The following CLTCL1 variants were observed in gnomAD, a reference collection of about 807,000 sequenced individuals.
CLTCL1 encodes clathrin heavy chain like 1.
CLTCL1 carries 159 observed loss-of-function variants against 190.0 expected under a neutral mutation model. That is an observed-to-expected ratio of 0.84 (90% CI 0.74 to 0.95). The LOEUF (loss-of-function observed/expected upper bound fraction) is 0.95. Ranked by LOEUF, CLTCL1 falls within the 40% of genes least tolerant of loss-of-function variation. The pLI, the probability that CLTCL1 is intolerant of heterozygous loss-of-function variation, is 0.00. For missense variants in CLTCL1, 1,878 were observed against 2,033.4 expected (o/e 0.92, Z 1.47); for synonymous variants, 752 against 769.6 (o/e 0.98, Z 0.38).
At chr22:19,251,303 T>C (rs2086583049) in intron 3 of CLTCL1, among the ~76,000 whole-genome samples, 1 of 152,224 alleles carries the variant, frequency 6.6e-6, no homozygotes, top group African/African-American at 2.4e-5. Context: ...ACACAATTGA[T>C]GTTTGCAAAC....
Position 19,223,791 on chromosome 22 carries a change from G to A in CLTCL1, c.2292+100C>T, listed in dbSNP as rs1250111881. On this transcript the variant is annotated intron_variant, in intron 14 of 32. Transcript: ENST00000427926. ...CCTGGGACTAAGGGGTCCCTGGCGA[G>A]ACAGATCCAGCTTCCTGCCCCTGGG... The A allele has an allele frequency of 4.9e-6, 7 of 1,431,994 alleles. No individual in the cohort carries two copies. In the African/African-American group the frequency reaches 9.8e-5, roughly 20 times the overall value. 88.7% of individuals were successfully genotyped at this position (1,431,994 alleles called of 1,614,324 possible). A position where few individuals can be genotyped will look rare whatever the true frequency, so the allele number is the denominator to read the frequency against.
intron 4 of CLTCL1, among the ~76,000 whole-genome samples, 184 bp downstream of exon 4, chr22:19,242,591 C>T (rs144587566): frequency 2.6e-5 from 4 of 152,184 alleles, no homozygotes; most frequent in Non-Finnish European, 5.9e-5. Context: ...CCGCGCCCAG[C>T]CTGAGGATTT....
chr22:19,210,025 G>A (rs946043515), intron 20 of CLTCL1, among the ~76,000 whole-genome samples: 3 of 152,066 alleles, frequency 2.0e-5, no homozygotes, highest in Non-Finnish European at 4.4e-5. Flanking sequence ...AAAATCAAAC[G>A]TTTCTGTCAC....
At chr22:19,263,704 C>A (rs1158381829) in intron 2 of CLTCL1, among the ~76,000 whole-genome samples, 1 of 152,192 alleles carries the variant, frequency 6.6e-6, no homozygotes, top group African/African-American at 2.4e-5. Context: ...TAGGCGTGAG[C>A]CACTGCACCC....
intron 5 of CLTCL1, 51 bp from the exon 6 acceptor site, chr22:19,235,920 G>A: frequency 2.0e-6 from 3 of 1,501,446 alleles, no homozygotes; most frequent in Non-Finnish European, 2.7e-6. Flanking sequence ...GAGAAGCCAT[G>A]CGGGTAAAAA....
intron 24 of CLTCL1, among the ~76,000 whole-genome samples, chr22:19,197,447 C>G (rs944336277): frequency 6.6e-6 from 1 of 152,192 alleles, no homozygotes; most frequent in South Asian, 2.1e-4. Context: ...GCTTGCCTAC[C>G]AAGGCCACAG....
rs187154007 is a variant in CLTCL1 at position 19,201,608 on chromosome 22, A to G, written c.3601-115T>C. 448 of 1,109,710 alleles carry G rather than the reference A, an allele frequency of 4.0e-4. 2 individuals are homozygous for G. In the East Asian group the frequency reaches 0.01, roughly 26 times the overall value. The allele number at this position is 1,109,710 out of a possible 1,614,324, so 68.7% of individuals were successfully genotyped here. ...TTTTCTGTTTGCTAGGGTGGTAAGC[A>G]TCTTTCTGATCGCACCAGTGACCAG... is the stretch of plus-strand genomic sequence containing the variant. On this transcript the variant is annotated intron_variant, in intron 22 of 32. Coordinates refer to ENST00000427926, the MANE Select transcript of CLTCL1 (RefSeq NM_007098.4).
chr22:19,275,820 A>G lies in CLTCL1; in HGVS notation c.53T>C (p.Leu18Pro). 6.3e-7 allele frequency: 1 copy of G among 1,595,942 alleles called. No individual in the cohort carries two copies. The highest frequency in any genetic ancestry group is 8.5e-7 in the Non-Finnish European group (1 of 1,170,918). Reference protein sequence around the residue: ...RFQEHFQLQNLGINPANIGFS... With the variant: ...RFQEHFQLQNPGINPANIGFS... ...TCCAATGTTAGCTGGATTAATTCCA[A>G]GGTTTTGGAGCTAAACAGAAAAAAA... Residue 18 changes from leucine to proline, a missense_variant, in exon 2 of 33, where the codon CTT (leucine) becomes CCT (proline). Leu to Pro is a moderately conservative substitution (Grantham distance 98, BLOSUM62 -3). Coordinates refer to ENST00000427926, the MANE Select transcript of CLTCL1 (RefSeq NM_007098.4).
At position 19,186,973 on chromosome 22, in the gene CLTCL1, C is replaced by T. The variant is rs111800680; in HGVS notation, c.4605+585G>A. Reference sequence around the variant, plus strand: ...TTTTTTTTGGAGACAGGGTCTCACTCTGTTGCCTAGAGCAGTGGTGTGATC... The same window carrying T: ...TTTTTTTTGGAGACAGGGTCTCACTTTGTTGCCTAGAGCAGTGGTGTGATC... On this transcript the variant is annotated intron_variant, in intron 29 of 32. Coordinates refer to ENST00000427926, the MANE Select transcript of CLTCL1 (RefSeq NM_007098.4). Among the ~76,000 whole-genome samples the T allele has an allele frequency of 1.0e-2, 1,484 of 148,702 alleles. 16 individuals carry two copies. Among genetic ancestry groups the T allele is most frequent in the Non-Finnish European group, 0.016 (1,104 of 67,698 alleles).
intron 1 of CLTCL1, among the ~76,000 whole-genome samples, chr22:19,281,026 C>T (rs2087692839): frequency 6.6e-6 from 1 of 151,546 alleles, no homozygotes; most frequent in Non-Finnish European, 1.5e-5. Context: ...CGCGGCGGCT[C>T]ACACCTGTAA....
chr22:19,222,872 C>A, intron 14 of CLTCL1, 63 bp from the exon 15 acceptor site: 2 of 1,549,796 alleles, frequency 1.3e-6, no homozygotes, highest in Admixed American at 3.9e-5. Flanking sequence ...AGACCTCGGA[C>A]TCATTGCACA....
At position 19,217,114 on chromosome 22, in the gene CLTCL1, C is replaced by T. The variant is rs976772814; in HGVS notation, c.2920-858G>A. On this transcript the variant is annotated intron_variant, in intron 18 of 32. Transcript: ENST00000427926. ...CCACCTTTCTGCTAGTCTTTGTGAA[C>T]TCAATGGTACCATAAGATGCAAAAG... Among the ~76,000 whole-genome samples, 8 of 152,128 alleles carry T rather than the reference C, an allele frequency of 5.3e-5. 1 individual carries two copies. Among genetic ancestry groups the T allele is most frequent in the Admixed American group, 2.0e-4 (3 of 15,280 alleles).
intron 18 of CLTCL1, among the ~76,000 whole-genome samples, chr22:19,218,291 C>G (rs1410984721): frequency 1.3e-5 from 2 of 152,204 alleles, no homozygotes; most frequent in East Asian, 3.8e-4. Flanking sequence ...GGAGAAATGT[C>G]TGATGTCTGG....
At chr22:19,277,086 G>T (rs2087541540) in intron 1 of CLTCL1, among the ~76,000 whole-genome samples, 1 of 152,172 alleles carries the variant, frequency 6.6e-6, no homozygotes, top group Non-Finnish European at 1.5e-5. Flanking sequence ...TAGCAACAAA[G>T]ATCATGGACC....
chr22:19,233,682 A>C, intron 7 of CLTCL1, 60 bp from the exon 8 acceptor site: 1 of 1,513,520 alleles, frequency 6.6e-7, no homozygotes, highest in Non-Finnish European at 9.1e-7. Context: ...CCTTCACTCA[A>C]CTTCCTTGTA....
chr22:19,252,053 C>A (rs530728642), intron 3 of CLTCL1, among the ~76,000 whole-genome samples: 1 of 152,138 alleles, frequency 6.6e-6, no homozygotes, highest in African/African-American at 2.4e-5. Context: ...TGGAACAGAG[C>A]GTTCCAGAAA....
intron 27 of CLTCL1, among the ~76,000 whole-genome samples, chr22:19,189,030 A>C (rs2084406305): frequency 6.6e-6 from 1 of 151,402 alleles, no homozygotes; most frequent in South Asian, 2.1e-4. Context: ...CAGCCTCCTG[A>C]GTATCTGGGA....
At chr22:19,280,174 A>AT (rs1250884819) in intron 1 of CLTCL1, among the ~76,000 whole-genome samples, 1 of 152,236 alleles carries the variant, frequency 6.6e-6, no homozygotes, top group Non-Finnish European at 1.5e-5. Context: ...TGTGTTAAGT[A>AT]TAAAAAAAAG....
chr22:19,269,678 AG>A (rs2087240892), intron 2 of CLTCL1, among the ~76,000 whole-genome samples: 6 of 152,176 alleles, frequency 3.9e-5, no homozygotes, highest in Admixed American at 3.9e-4. Context: ...AAACTAACAC[AG>A]GAACAGAAAA....
Sources: allele counts gnomAD v4.1 joint callset (sites outside exome capture counted in the v4.1 genomes callset), GRCh38; gene constraint gnomAD v4.1.1; transcripts MANE v1.5; gene names NCBI Gene and HGNC (gene_info 2026-07-23, HGNC 2026-07-21).